The following GPC6 variants were observed in gnomAD, a reference collection of about 807,000 sequenced individuals.
GPC6 encodes the protein glypican-6.
Under a neutral mutation model 55.2 loss-of-function variants are expected in GPC6, and 14 were observed. That is an observed-to-expected ratio of 0.25 (90% CI 0.17 to 0.40). GPC6 has a LOEUF of 0.40. Ranked by LOEUF, GPC6 falls within the 10% of genes least tolerant of loss-of-function variation. The pLI, the probability that GPC6 is intolerant of heterozygous loss-of-function variation, is 1.00. For synonymous variants in GPC6, 278 were observed against 259.6 expected, an observed-to-expected ratio of 1.07 and a Z score of -0.68; for missense variants, 641 against 708.5, an observed-to-expected ratio of 0.90 and a Z score of 1.08.
chr13:93,929,984 A>C (rs1409909643), intron 3 of GPC6, among the ~76,000 whole-genome samples: 1 of 152,090 alleles, frequency 6.6e-6, no homozygotes, highest in East Asian at 1.9e-4. Flanking sequence ...ACTGACAGTA[A>C]GTTTACGGAG....
chr13:94,308,923 T>G (rs150758699), intron 6 of GPC6, among the ~76,000 whole-genome samples: 1 of 152,160 alleles, frequency 6.6e-6, no homozygotes, highest in African/African-American at 2.4e-5. Context: ...CACTGGAAAG[T>G]TGGGGGAGTT....
At chr13:93,445,566 TCTC>T (rs1877969449) in intron 1 of GPC6, among the ~76,000 whole-genome samples, 1 of 152,192 alleles carries the variant, frequency 6.6e-6, no homozygotes, top group Admixed American at 6.5e-5. Flanking sequence ...CTTCTTCACA[TCTC>T]CTGCAGCAAT....
intron 4 of GPC6, among the ~76,000 whole-genome samples, chr13:94,242,627 T>C (rs1342657164): frequency 1.3e-5 from 2 of 152,130 alleles, no homozygotes; most frequent in East Asian, 3.9e-4. Context: ...ACACTAAAGC[T>C]GGCTCCTGTG....
At chr13:93,455,508 A>G (rs56247101) in intron 1 of GPC6, among the ~76,000 whole-genome samples, 32,588 of 151,810 alleles carry the variant, frequency 0.21, 3,639 homozygotes, top group Middle Eastern at 0.28. Flanking sequence ...AAAGTAATAT[A>G]TGGAAAAGAA....
At position 93,545,369 on chromosome 13, in the gene GPC6, G is replaced by T. The variant is rs771684843; in HGVS notation, c.267G>T (p.Glu89Asp). 2.5e-6 allele frequency: 4 copies of T among 1,613,966 alleles called. No homozygotes were observed. Among genetic ancestry groups the T allele is most frequent in the Non-Finnish European group, 3.4e-6 (4 of 1,179,850 alleles). ...TCGAATTTGAAAACCTTGTGGAAGA[G>T]ACAAGCCATTTTGTGCGCACCACTT... ...SKLEFENLVE[E>D]TSHFVRTTFV... is the part of the protein sequence containing the mutation. The change falls in exon 2 of 9, where the codon GAG becomes GAT. Residue 89 changes from glutamate to aspartate, a missense_variant. Coordinates refer to ENST00000377047, the MANE Select transcript of GPC6 (RefSeq NM_005708.5).
chr13:93,351,768 C>T (rs1196004058), intron 1 of GPC6, among the ~76,000 whole-genome samples: 3 of 151,816 alleles, frequency 2.0e-5, no homozygotes, highest in East Asian at 3.9e-4. Flanking sequence ...CAAAACAAAA[C>T]ACAAAAAGCC....
intron 2 of GPC6, among the ~76,000 whole-genome samples, chr13:93,632,033 G>C (rs898026705): frequency 1.3e-5 from 2 of 152,072 alleles, no homozygotes. Context: ...AATGTGATTT[G>C]GGTCCTTTTG....
At chr13:93,852,252 G>T (rs868635047) in intron 3 of GPC6, among the ~76,000 whole-genome samples, 23 of 151,760 alleles carry the variant, frequency 1.5e-4, no homozygotes, top group Admixed American at 5.9e-4. Flanking sequence ...TTTTGTTCTT[G>T]TCTAAAGTTT....
At chr13:94,184,095 C>A (rs1889090612) in intron 4 of GPC6, among the ~76,000 whole-genome samples, 1 of 152,038 alleles carries the variant, frequency 6.6e-6, no homozygotes, top group African/African-American at 2.4e-5. Flanking sequence ...TGGCCAACAA[C>A]CTTTACCTTT....
intron 2 of GPC6, among the ~76,000 whole-genome samples, chr13:93,682,498 T>G (rs578131463): frequency 6.6e-6 from 1 of 152,128 alleles, no homozygotes. Flanking sequence ...GAGAAATGAG[T>G]GCCTCCATCC....
chr13:94,330,187 C>T (rs886195861), intron 6 of GPC6, among the ~76,000 whole-genome samples: 8 of 152,196 alleles, frequency 5.3e-5, no homozygotes, highest in African/African-American at 1.4e-4. Context: ...CTTATGGAAA[C>T]GATGCAACCC....
chr13:93,598,462 GTTTCCATTAGCCTTTCACTTAATGAGTAT>G (rs1444972617), intron 2 of GPC6, among the ~76,000 whole-genome samples: 1 of 152,248 alleles, frequency 6.6e-6, no homozygotes, highest in Non-Finnish European at 1.5e-5. Flanking sequence ...TTCACATTAA[GTTTCCATTAGCCTTTCACTTAATGAGTAT>G]TTTCACGTAC....
At chr13:93,775,630 A>G (rs79902237) in intron 2 of GPC6, among the ~76,000 whole-genome samples, 2,999 of 152,312 alleles carry the variant, frequency 0.02, 54 homozygotes, top group South Asian at 0.067. Flanking sequence ...TGTTAGCTAC[A>G]GTTAAATATT....
At chr13:94,011,245 GT>G (rs938903014) in intron 3 of GPC6, among the ~76,000 whole-genome samples, 1 of 152,100 alleles carries the variant, frequency 6.6e-6, no homozygotes, top group Non-Finnish European at 1.5e-5. Context: ...ATTACTGTAA[GT>G]AACACTGCTT....
chr13:94,160,535 G>C (rs897069423), intron 4 of GPC6, among the ~76,000 whole-genome samples: 47 of 152,302 alleles, frequency 3.1e-4, no homozygotes, highest in African/African-American at 1.1e-3. Context: ...TAAAGTGTGG[G>C]GCCCTTCCAT....
At chr13:93,333,280 T>C (rs1241013760) in intron 1 of GPC6, among the ~76,000 whole-genome samples, 1 of 152,142 alleles carries the variant, frequency 6.6e-6, no homozygotes, top group Non-Finnish European at 1.5e-5. Flanking sequence ...GTAGATCACT[T>C]TGGGTAGGTA....
intron 2 of GPC6, among the ~76,000 whole-genome samples, chr13:93,768,845 C>A (rs1405087476): frequency 6.6e-6 from 1 of 152,016 alleles, no homozygotes; most frequent in African/African-American, 2.4e-5. Flanking sequence ...CTTTGGGGGT[C>A]ATTTATTTGC....
At chr13:93,959,585 T>C (rs1879673990) in intron 3 of GPC6, among the ~76,000 whole-genome samples, 1 of 152,186 alleles carries the variant, frequency 6.6e-6, no homozygotes, top group South Asian at 2.1e-4. Context: ...GATCTAATAT[T>C]CAGAAATAAA....
At chr13:93,458,030 A>G (rs1345241462) in intron 1 of GPC6, among the ~76,000 whole-genome samples, 3 of 152,158 alleles carry the variant, frequency 2.0e-5, no homozygotes, top group South Asian at 2.1e-4. Context: ...AAGCTACTCT[A>G]GTTTATATTG....
Sources: gnomAD v4.1 joint callset for allele counts (sites outside exome capture counted in the v4.1 genomes callset) on GRCh38, gnomAD v4.1.1 for gene constraint, MANE v1.5 for transcripts, NCBI Gene and HGNC (gene_info 2026-07-23, HGNC 2026-07-21) for gene names.